The following NHERF1 variants were observed in gnomAD, a reference collection of about 807,000 sequenced individuals.
The protein encoded by NHERF1 is NHERF family PDZ scaffold protein 1.
At chr17:74,760,001 C>T in the NHERF1 span, among the ~76,000 whole-genome samples, 17 of 152,292 alleles carry the variant, frequency 1.1e-4, no homozygotes, top group East Asian at 2.7e-3. The surrounding 1 kb of genome is among the most constrained non-coding windows in gnomAD (Gnocchi z 4.5). Flanking sequence ...TAGAGCTGCC[C>T]CCTGCCTGTC....
chr17:74,766,863 C>A, the NHERF1 span: 2 of 1,471,638 alleles, frequency 1.4e-6, no homozygotes, highest in Non-Finnish European at 1.9e-6. Context: ...CTGCCCAAAC[C>A]CAACTCCTAC....
the NHERF1 span, chr17:74,749,075 AGCCGCATCCGC>A: frequency 1.3e-6 from 2 of 1,591,902 alleles, no homozygotes; most frequent in Non-Finnish European, 1.7e-6. This position sits in a 1 kb window ranked among gnomAD's most constrained non-coding sequence, Gnocchi z 5.6. Flanking sequence ...GCAGGTGGTG[AGCCGCATCCGC>A]GCCGCACTCA....
At chr17:74,760,824 T>A in the NHERF1 span, among the ~76,000 whole-genome samples, 1 of 152,314 alleles carries the variant, frequency 6.6e-6, no homozygotes, top group South Asian at 2.1e-4. The surrounding 1 kb of genome is among the most constrained non-coding windows in gnomAD (Gnocchi z 4.5). Context: ...GCAGTCAGAA[T>A]GATCCATAAA....
chr17:74,768,233 G>C, the NHERF1 span: 1 of 1,612,096 alleles, frequency 6.2e-7, no homozygotes, highest in Non-Finnish European at 8.5e-7. Flanking sequence ...ACACCAGCGA[G>C]GAGGTAGGCC....
At chr17:74,768,874 T>A in the NHERF1 span, 389 of 574,274 alleles carry the variant, frequency 6.8e-4, 2 homozygotes, top group African/African-American at 6.3e-3. Context: ...TCTGCCTCCC[T>A]CCTCCTCACT....
At chr17:74,766,993 T>C in the NHERF1 span, 2 of 1,612,232 alleles carry the variant, frequency 1.2e-6, no homozygotes, top group Middle Eastern at 1.6e-4. Context: ...GCGGGTCCCC[T>C]GTCTCTTTGG....
the NHERF1 span, among the ~76,000 whole-genome samples, chr17:74,750,149 T>A: frequency 6.6e-6 from 1 of 152,184 alleles, no homozygotes; most frequent in East Asian, 1.9e-4. Flanking sequence ...TGCCCTGGCC[T>A]TGCCATGGTC....
At chr17:74,756,868 G>T in the NHERF1 span, among the ~76,000 whole-genome samples, 1 of 152,320 alleles carries the variant, frequency 6.6e-6, no homozygotes, top group South Asian at 2.1e-4. Context: ...AATAGCAGCT[G>T]CTATTTGTTA....
the NHERF1 span, chr17:74,763,643 C>T: frequency 2.1e-6 from 2 of 949,528 alleles, no homozygotes; most frequent in Non-Finnish European, 3.2e-6. Context: ...TGGGTGCTCC[C>T]TCCTCCTCCT....
the NHERF1 span, among the ~76,000 whole-genome samples, chr17:74,763,846 A>G: frequency 6.6e-6 from 1 of 152,234 alleles, no homozygotes; most frequent in Non-Finnish European, 1.5e-5. Flanking sequence ...CCCCACCAGC[A>G]GACTTTCAGG....
chr17:74,761,993 C>T, the NHERF1 span: 1 of 1,613,394 alleles, frequency 6.2e-7, no homozygotes, highest in Non-Finnish European at 8.5e-7. This position sits in a 1 kb window ranked among gnomAD's most constrained non-coding sequence, Gnocchi z 4.3. Context: ...TAGCCATGGA[C>T]CCTCCCCTGT....
the NHERF1 span, among the ~76,000 whole-genome samples, chr17:74,751,940 C>T: frequency 6.6e-6 from 1 of 152,324 alleles, no homozygotes; most frequent in East Asian, 1.9e-4. The surrounding 1 kb of genome is among the most constrained non-coding windows in gnomAD (Gnocchi z 4.3). Context: ...GTGTAAAGCA[C>T]GTAGCTCAGT....
At chr17:74,756,467 CAG>C in the NHERF1 span, among the ~76,000 whole-genome samples, 1 of 150,410 alleles carries the variant, frequency 6.6e-6, no homozygotes, top group Non-Finnish European at 1.5e-5. Context: ...TTAGTTGAGA[CAG>C]GGTTTCACCA....
the NHERF1 span, among the ~76,000 whole-genome samples, chr17:74,754,869 A>G: frequency 6.6e-6 from 1 of 152,196 alleles, no homozygotes; most frequent in Non-Finnish European, 1.5e-5. Context: ...GATAGCTACT[A>G]TTTGTGTCTA....
the NHERF1 span, among the ~76,000 whole-genome samples, chr17:74,752,809 C>A: frequency 4.9e-4 from 74 of 152,356 alleles, no homozygotes; most frequent in Non-Finnish European, 9.6e-4. Context: ...TTTTAATCAT[C>A]TGTTTGTGAC....
At chr17:74,752,093 A>G in the NHERF1 span, among the ~76,000 whole-genome samples, 1 of 152,164 alleles carries the variant, frequency 6.6e-6, no homozygotes, top group African/African-American at 2.4e-5. Flanking sequence ...ACTGTGGCCA[A>G]GCCTGGCACA....
At chr17:74,765,044 C>T in the NHERF1 span, among the ~76,000 whole-genome samples, 1 of 152,126 alleles carries the variant, frequency 6.6e-6, no homozygotes, top group Non-Finnish European at 1.5e-5. Context: ...TGACCAGTCC[C>T]TGGAGATGGA....
chr17:74,750,936 C>G, the NHERF1 span, among the ~76,000 whole-genome samples: 1 of 152,004 alleles, frequency 6.6e-6, no homozygotes, highest in South Asian at 2.1e-4. Flanking sequence ...GACTCAGATT[C>G]CTGCATGTTT....
At chr17:74,762,189 C>G in the NHERF1 span, 5 of 1,613,446 alleles carry the variant, frequency 3.1e-6, no homozygotes, top group East Asian at 4.5e-5. The surrounding 1 kb of genome is among the most constrained non-coding windows in gnomAD (Gnocchi z 4.2). Flanking sequence ...GCTTCTCGCT[C>G]TCTTCCTATC....
Sources: allele counts gnomAD v4.1 joint callset (sites outside exome capture counted in the v4.1 genomes callset), GRCh38; gene constraint gnomAD v4.1.1; non-coding constraint Gnocchi (gnomAD v3.1); transcripts MANE v1.5; gene names NCBI Gene and HGNC (gene_info 2026-07-23, HGNC 2026-07-21).